Variants in TRPC1 observed in about 807,000 individuals in gnomAD.
The protein encoded by TRPC1 is short transient receptor potential channel 1.
A neutral mutation model predicts 88.2 loss-of-function variants in TRPC1; 42 were observed. The ratio of observed to expected loss-of-function variants is 0.48; its 90% CI spans 0.37 to 0.62. The LOEUF (loss-of-function observed/expected upper bound fraction) is 0.62, where lower values mean the gene tolerates loss of function less well. Among genes scored for constraint, TRPC1 ranks in the 20% least tolerant of loss-of-function variants. The pLI is 0.00. For missense variants in TRPC1, 699 were observed against 957.3 expected (o/e 0.73, Z 3.56); for synonymous variants, 288 against 331.8 (o/e 0.87, Z 1.43).
rs772692152 is a variant in TRPC1, at chr3:142,724,711, T to A, written c.152T>A (p.Phe51Tyr). ...GAGAATACGCTGAATGAGAAGCTTT[T>A]CTTGCTGGCGTGCGACAAGGGTGAG... ...KEENTLNEKL[F>Y]LLACDKGDYY... The change falls in exon 1 of 13, where the codon TTC (phenylalanine) becomes TAC (tyrosine). Residue 51 changes from phenylalanine (F) to tyrosine (Y), a missense_variant. Phe to Tyr is a conservative substitution (Grantham distance 22). Transcript: ENST00000476941. This position sits in a 1 kb window ranked among gnomAD's most constrained non-coding sequence, Gnocchi z 5.6. 3.1e-6 allele frequency: 5 copies of A among 1,596,992 alleles called. No individual in the cohort carries two copies. In the South Asian group the frequency reaches 5.6e-5, roughly 18 times the overall value.
chr3:142,779,557 C>T (rs1935890524), intron 5 of TRPC1, among the ~76,000 whole-genome samples: 1 of 151,974 alleles, frequency 6.6e-6, no homozygotes, highest in Admixed American at 6.6e-5. Context: ...TAAATAAATC[C>T]AATTACTTAT....
At chr3:142,800,996 C>T (rs1486599110) in intron 9 of TRPC1, among the ~76,000 whole-genome samples, 2 of 151,538 alleles carry the variant, frequency 1.3e-5, no homozygotes, top group Non-Finnish European at 2.9e-5. Context: ...TTAACAATTT[C>T]TTATGTAAAC....
intron 3 of TRPC1, among the ~76,000 whole-genome samples, chr3:142,746,002 C>A (rs1934539235): frequency 6.6e-6 from 1 of 152,072 alleles, no homozygotes; most frequent in African/African-American, 2.4e-5. Flanking sequence ...GGTGATCTAC[C>A]CTTCTCGGCC....
chr3:142,738,497 A>T (rs1366922997), intron 2 of TRPC1, among the ~76,000 whole-genome samples: 4 of 152,210 alleles, frequency 2.6e-5, no homozygotes, highest in African/African-American at 9.6e-5. Context: ...CTTTGCATTT[A>T]TAAGAGCTTT....
intron 1 of TRPC1, 23 bp from the exon 2 acceptor site, chr3:142,736,356 T>C: frequency 1.3e-6 from 2 of 1,521,860 alleles, no homozygotes; most frequent in Non-Finnish European, 1.8e-6. Flanking sequence ...GATATTAAAT[T>C]ATGTTTGTAT....
At chr3:142,795,442 TA>T (rs1035047182) in intron 9 of TRPC1, among the ~76,000 whole-genome samples, 8 of 151,532 alleles carry the variant, frequency 5.3e-5, no homozygotes, top group African/African-American at 9.7e-5. Context: ...AAATCAGTGA[TA>T]AAAAAAATCT....
chr3:142,726,352 TATCTC>T (rs1415912736), intron 1 of TRPC1, among the ~76,000 whole-genome samples: 2 of 152,200 alleles, frequency 1.3e-5, no homozygotes, highest in Admixed American at 6.5e-5. Flanking sequence ...TTGCATGACA[TATCTC>T]AAACAAAAGA....
intron 2 of TRPC1, among the ~76,000 whole-genome samples, 189 bp from the exon 3 acceptor site, chr3:142,743,294 ATT>A (rs79537261): frequency 0.11 from 16,174 of 152,128 alleles, 1,020 homozygotes; most frequent in Non-Finnish European, 0.15. Flanking sequence ...AAACGTGTGT[ATT>A]GTGGTACACA....
chr3:142,743,375 G>C (rs1934424655), intron 2 of TRPC1, 110 bp from the exon 3 acceptor site: 1 of 788,258 alleles, frequency 1.3e-6, no homozygotes. Flanking sequence ...TTGTATTACT[G>C]TATATAATAC....
intron 9 of TRPC1, among the ~76,000 whole-genome samples, chr3:142,793,181 G>A (rs1433031903): frequency 1.3e-5 from 2 of 151,926 alleles, no homozygotes; most frequent in Non-Finnish European, 2.9e-5. Flanking sequence ...TAATTATGCT[G>A]TGGTCCATTA....
intron 1 of TRPC1, among the ~76,000 whole-genome samples, chr3:142,734,350 CAT>C (rs2108016824): frequency 6.6e-6 from 1 of 151,852 alleles, no homozygotes; most frequent in East Asian, 1.9e-4. Flanking sequence ...AAAATACAGT[CAT>C]TAAATTTTTA....
chr3:142,779,424 A>T (rs1272435711), intron 5 of TRPC1, among the ~76,000 whole-genome samples: 1 of 152,190 alleles, frequency 6.6e-6, no homozygotes, highest in Non-Finnish European at 1.5e-5. Context: ...TCACCTTTGA[A>T]TCTCGTAGTC....
intron 7 of TRPC1, among the ~76,000 whole-genome samples, chr3:142,789,424 T>C (rs1192198533): frequency 6.6e-6 from 1 of 152,212 alleles, no homozygotes; most frequent in Non-Finnish European, 1.5e-5. Context: ...GGTGGAATTG[T>C]TAAAAATGTT....
chr3:142,799,613 C>G (rs754230435), intron 9 of TRPC1, among the ~76,000 whole-genome samples: 1 of 151,964 alleles, frequency 6.6e-6, no homozygotes, highest in Non-Finnish European at 1.5e-5. Flanking sequence ...CAAGACCAGC[C>G]TGGGCAACAT....
At chr3:142,760,640 G>A (rs1935150115) in intron 4 of TRPC1, among the ~76,000 whole-genome samples, 1 of 152,120 alleles carries the variant, frequency 6.6e-6, no homozygotes, top group South Asian at 2.1e-4. Flanking sequence ...TTTTGATAAG[G>A]ATTGCATGGA....
At chr3:142,794,995 G>T (rs1181232224) in intron 9 of TRPC1, among the ~76,000 whole-genome samples, 1 of 151,962 alleles carries the variant, frequency 6.6e-6, no homozygotes, top group African/African-American at 2.4e-5. Flanking sequence ...TTAAAGTTTA[G>T]TAGAGACATG....
At chr3:142,782,538 C>T (rs73864433) in intron 6 of TRPC1, among the ~76,000 whole-genome samples, 3,655 of 152,126 alleles carry the variant, frequency 0.024, 141 homozygotes, top group African/African-American at 0.083. Context: ...CTCTTGGATT[C>T]TTAGGTCAGG....
intron 4 of TRPC1, among the ~76,000 whole-genome samples, chr3:142,761,259 GGTT>G (rs963201095): frequency 9.2e-5 from 14 of 151,804 alleles, no homozygotes; most frequent in African/African-American, 2.7e-4. Flanking sequence ...GGGTTTTTTT[GGTT>G]GTTGTTGTTG....
intron 4 of TRPC1, among the ~76,000 whole-genome samples, chr3:142,760,102 A>G (rs1935132045): frequency 1.3e-5 from 2 of 152,146 alleles, no homozygotes; most frequent in South Asian, 4.1e-4. Flanking sequence ...TTGGGATTAC[A>G]GGCGTGAGCC....
Sources: allele counts gnomAD v4.1 joint callset (sites outside exome capture counted in the v4.1 genomes callset), GRCh38; gene constraint gnomAD v4.1.1; non-coding constraint Gnocchi (gnomAD v3.1); transcripts MANE v1.5; gene names NCBI Gene and HGNC (gene_info 2026-07-23, HGNC 2026-07-21).